SLC45A4: variants seen among roughly 807,000 people sequenced by gnomAD.
SLC45A4 encodes polyamine-transporter SLC45A4.
Under a neutral mutation model 63.7 loss-of-function variants are expected in SLC45A4, and 32 were observed. The observed-to-expected ratio is 0.50, with a 90% CI of 0.38 to 0.67. The LOEUF (loss-of-function observed/expected upper bound fraction) is 0.67, where lower values mean the gene tolerates loss of function less well. Among genes scored for constraint, SLC45A4 ranks in the 30% least tolerant of loss-of-function variants. SLC45A4 has a pLI of 0.00. For missense variants in SLC45A4, 1,027 were observed against 1,157.7 expected (o/e 0.89, Z 1.64); for synonymous variants, 535 against 510.0 (o/e 1.05, Z -0.66).
intron 1 of SLC45A4, among the ~76,000 whole-genome samples, chr8:141,270,212 G>C (rs951995220): frequency 6.6e-6 from 1 of 151,946 alleles, no homozygotes; most frequent in Non-Finnish European, 1.5e-5. Flanking sequence ...AGAGGGGCCA[G>C]TCCAACCCAT....
At chr8:141,224,298 GTT>G in intron 2 of SLC45A4, 2 of 152,328 alleles carry the variant, frequency 1.3e-5, no homozygotes, top group Middle Eastern at 6.8e-3. Flanking sequence ...CTTTTCAGCA[GTT>G]TGACAATGAC....
intron 2 of SLC45A4, among the ~76,000 whole-genome samples, chr8:141,235,828 G>C (rs548840816): frequency 6.6e-6 from 1 of 152,304 alleles, no homozygotes; most frequent in South Asian, 2.1e-4. Flanking sequence ...TTGGCCAGGC[G>C]TGGTGGCTCA....
rs1448535750 is a variant in SLC45A4 at position 141,308,228 on chromosome 8, C to G, written c.-533G>C. 6.8e-6 allele frequency: 1 copy of G among 147,260 alleles called. No homozygotes were observed. The highest frequency in any genetic ancestry group is 1.5e-5 in the Non-Finnish European group (1 of 65,928). 9.1% of individuals were successfully genotyped at this position (147,260 alleles called of 1,614,324 possible). On this transcript the variant is annotated 5_prime_UTR_variant, in exon 1 of 9. Transcript: ENST00000517878. The stretch of plus-strand genomic sequence containing the variant: ...CGGGTCCGGGCGGGGGCTGCTCCCT[C>G]GGCCGGCCGGCCGGGCGGTCAGTCA...
intron 2 of SLC45A4, among the ~76,000 whole-genome samples, chr8:141,233,754 G>A (rs1827484024): frequency 6.6e-6 from 1 of 152,154 alleles, no homozygotes; most frequent in South Asian, 2.1e-4. Flanking sequence ...TGACACTTCT[G>A]CCCAAGACGG....
intron 1 of SLC45A4, among the ~76,000 whole-genome samples, chr8:141,273,788 G>T (rs542302742): frequency 1.2e-4 from 19 of 152,254 alleles, no homozygotes; most frequent in African/African-American, 4.6e-4. Context: ...GTCGTGCTAC[G>T]AAAGTGAAAA....
chr8:141,217,636 G>A (rs1035084077), intron 5 of SLC45A4, among the ~76,000 whole-genome samples: 8 of 152,360 alleles, frequency 5.3e-5, no homozygotes, highest in Non-Finnish European at 8.8e-5. Flanking sequence ...TGACCCAGCC[G>A]TTACCACAGG....
Position 141,218,076 on chromosome 8 carries a change from C to A in SLC45A4, c.1564G>T (p.Val522Phe). The A allele has an allele frequency of 2.5e-6, 4 of 1,612,426 alleles. No individual in the cohort carries two copies. The highest frequency in any genetic ancestry group is 3.4e-6 in the Non-Finnish European group (4 of 1,179,744). ...GTGTAGAACACGGCCTCGGCGATGA[C>A]AGAGAACCAGGTGAGGAGGTGGCAG... ...CLCHLLTWFSVIAEAVFYTDF... is the reference protein window; with the variant it reads ...CLCHLLTWFSFIAEAVFYTDF... The change falls in exon 5 of 9, where the codon GTC (valine) becomes TTC (phenylalanine). Residue 522 changes from valine (V) to phenylalanine (F), a missense_variant. Val to Phe is a conservative substitution (Grantham distance 50, BLOSUM62 -1). Coordinates refer to ENST00000517878, the MANE Select transcript of SLC45A4 (RefSeq NM_001286646.2).
chr8:141,213,072 T>TAGAC (rs10625280), intron 7 of SLC45A4, among the ~76,000 whole-genome samples: 97,512 of 151,718 alleles, frequency 0.64, 31,868 homozygotes, highest in East Asian at 0.81. Context: ...TTACTACCAT[T>TAGAC]AGCATCTCTG....
intron 2 of SLC45A4, among the ~76,000 whole-genome samples, chr8:141,247,425 T>C (rs1303617490): frequency 2.0e-5 from 3 of 152,202 alleles, no homozygotes; most frequent in South Asian, 2.1e-4. Flanking sequence ...TGAGAAGATA[T>C]ATTATGTTCA....
At position 141,254,841 on chromosome 8, in the gene SLC45A4, G is replaced by T. The variant is rs954165625; in HGVS notation, c.-400-212C>A. The T allele has an allele frequency of 1.3e-5, 6 of 472,746 alleles. No homozygotes were observed. Among genetic ancestry groups the T allele is most frequent in the Non-Finnish European group, 2.1e-5 (5 of 243,838 alleles). 29.3% of individuals were successfully genotyped at this position (472,746 alleles called of 1,614,324 possible). A position where few individuals can be genotyped will look rare whatever the true frequency, so the allele number is the denominator to read the frequency against. ...TTCTCATACGAAAGTGAATCCTGGGGAAGGACAAAGGTGGGGCAATCAAGG... is the reference window on the plus strand; with the variant it reads ...TTCTCATACGAAAGTGAATCCTGGGTAAGGACAAAGGTGGGGCAATCAAGG... On this transcript the variant is annotated intron_variant, in intron 1 of 8. Transcript: ENST00000517878. The surrounding 1 kb of genome is among the most constrained non-coding windows in gnomAD (Gnocchi z 4.5).
rs2154613915 is a variant in SLC45A4 at position 141,211,337 on chromosome 8, ACACACT to A, written c.*229_*234del. ...AGCGGGGTCACATGGCTGGGCGCAG[ACACACT>A]CACACGCGCACGCAGGAGCTCGTCT... On this transcript the variant is annotated 3_prime_UTR_variant, in exon 9 of 9. Transcript: ENST00000517878. 7.5e-7 allele frequency: 1 copy of A among 1,326,554 alleles called. No homozygotes were observed. The highest frequency in any genetic ancestry group is 2.5e-5 in the East Asian group (1 of 39,856). The allele number at this position is 1,326,554 out of a possible 1,614,324, so 82.2% of individuals were successfully genotyped here.
intron 1 of SLC45A4, among the ~76,000 whole-genome samples, chr8:141,302,333 C>A (rs1204304057): frequency 6.6e-6 from 1 of 152,074 alleles, no homozygotes; most frequent in Non-Finnish European, 1.5e-5. Flanking sequence ...AATCTTGGCT[C>A]ACTGCAACCT....
chr8:141,214,896 C>T (rs1826045949), intron 7 of SLC45A4, among the ~76,000 whole-genome samples: 1 of 152,118 alleles, frequency 6.6e-6, no homozygotes, highest in Non-Finnish European at 1.5e-5. Flanking sequence ...CACCTCAAAC[C>T]ACACACACCA....
chr8:141,294,357 C>T (rs946712242), intron 1 of SLC45A4, among the ~76,000 whole-genome samples: 4 of 152,234 alleles, frequency 2.6e-5, no homozygotes, highest in East Asian at 1.9e-4. Context: ...GAACGTGCAC[C>T]GGGGCCAGCC....
intron 1 of SLC45A4, among the ~76,000 whole-genome samples, chr8:141,285,226 C>T (rs758822514): frequency 2.0e-5 from 3 of 152,190 alleles, no homozygotes; most frequent in African/African-American, 7.2e-5. Flanking sequence ...CACCAGAGAG[C>T]GTCCGCTGGG....
chr8:141,238,383 A>C (rs1275528256), intron 2 of SLC45A4, among the ~76,000 whole-genome samples: 2 of 152,104 alleles, frequency 1.3e-5, no homozygotes, highest in Non-Finnish European at 2.9e-5. Context: ...CGGTGAGCGC[A>C]CTTAGACTGC....
In SLC45A4 at chr8:141,296,137, C is replaced by T. The variant is rs182080894; in HGVS notation, c.-401+11959G>A. 3.4e-3 allele frequency among the ~76,000 whole-genome samples: 521 copies of T among 152,318 alleles called. 2 individuals carry two copies. The highest frequency in any genetic ancestry group is 5.7e-3 in the Non-Finnish European group (385 of 68,028). ...CAGGAAGCCAGGAGTTTGAGACCAG[C>T]CTGGCCAACACAGTGAAACCTGGTC... On this transcript the variant is annotated intron_variant, in intron 1 of 8. Coordinates refer to ENST00000517878, the MANE Select transcript of SLC45A4 (RefSeq NM_001286646.2).
At position 141,254,209 on chromosome 8, in the gene SLC45A4, A is replaced by AT. The variant is rs1569558839; in HGVS notation, c.20dup (p.Asn7LysfsTer104). On this transcript the variant is annotated frameshift_variant, in exon 2 of 9. Transcript: ENST00000517878. LOFTEE classifies it high-confidence loss of function. This position sits in a 1 kb window ranked among gnomAD's most constrained non-coding sequence, Gnocchi z 4.5. ...GAACTTGCATAGATTCCGGGTCGGC[A>AT]TTCTGCGGAGCCATTTTCATTACCA... 1 of 1,534,632 alleles carries AT rather than the reference A, an allele frequency of 6.5e-7. No homozygotes were observed. The highest frequency in any genetic ancestry group is 8.7e-7 in the Non-Finnish European group (1 of 1,145,736).
rs185073221 is a variant in SLC45A4, at chr8:141,230,210, C to T, written c.242-8445G>A. On this transcript the variant is annotated intron_variant, in intron 2 of 8. Transcript: ENST00000517878. Reference sequence around the variant, plus strand: ...GCACAGGCCTCTGTTTCTGCATCACCGACTCAAATAAGACCCACTGTGGCT... The same window carrying T: ...GCACAGGCCTCTGTTTCTGCATCACTGACTCAAATAAGACCCACTGTGGCT... 9 of 444,182 alleles carry T rather than the reference C, an allele frequency of 2.0e-5. No homozygotes were observed. The East Asian group carries it at 2.1e-4, about 10-fold the overall frequency. The allele number at this position is 444,182 out of a possible 1,614,324, so 27.5% of individuals were successfully genotyped here. A position where few individuals can be genotyped will look rare whatever the true frequency, so the allele number is the denominator to read the frequency against.
Sources: gnomAD v4.1 joint callset for allele counts (sites outside exome capture counted in the v4.1 genomes callset) on GRCh38, gnomAD v4.1.1 for gene constraint, Gnocchi (gnomAD v3.1) non-coding constraint, MANE v1.5 for transcripts, NCBI Gene and HGNC (gene_info 2026-07-23, HGNC 2026-07-21) for gene names.